GLI2: variants seen among roughly 807,000 people sequenced by gnomAD.
GLI2 encodes GLI family zinc finger 2.
GLI2 carries 22 observed loss-of-function variants against 78.9 expected under a neutral mutation model. The ratio of observed to expected loss-of-function variants is 0.28; its 90% CI spans 0.20 to 0.40. GLI2 has a LOEUF of 0.40. Among genes scored for constraint, GLI2 ranks in the 10% least tolerant of loss-of-function variants. The pLI, the probability that GLI2 is intolerant of heterozygous loss-of-function variation, is 1.00. For synonymous variants in GLI2, 974 were observed against 963.7 expected, an observed-to-expected ratio of 1.01 and a Z score of -0.20; for missense variants, 2,097 against 2,213.2, an observed-to-expected ratio of 0.95 and a Z score of 1.05.
chr2:120,818,799 T>C (rs1685627595), intron 2 of GLI2, among the ~76,000 whole-genome samples: 1 of 152,232 alleles, frequency 6.6e-6, no homozygotes, highest in Non-Finnish European at 1.5e-5. Context: ...ACGAAAGGCC[T>C]ACTGGTTAGC....
chr2:120,932,302 T>A (rs1482927459), intron 3 of GLI2, among the ~76,000 whole-genome samples: 3 of 152,064 alleles, frequency 2.0e-5, no homozygotes, highest in Non-Finnish European at 4.4e-5. Context: ...TGGTGACCAT[T>A]TCGTGGGTGT....
intron 1 of GLI2, among the ~76,000 whole-genome samples, chr2:120,779,118 T>TG (rs1683765090): frequency 6.6e-6 from 1 of 152,198 alleles, no homozygotes; most frequent in Non-Finnish European, 1.5e-5. Context: ...CGCTGTGCAC[T>TG]GTCATGAGCC....
rs977801911 is a variant in GLI2 at position 120,989,443 on chromosome 2, A to G, written c.3478A>G (p.Lys1160Glu). 8 of 1,612,964 alleles carry G rather than the reference A, an allele frequency of 5.0e-6. No individual in the cohort carries two copies. The highest frequency in any genetic ancestry group is 3.3e-5 in the Admixed American group (2 of 60,008). Residue 1160 changes from lysine (K) to glutamate (E), a missense_variant, in exon 14 of 14, where the codon AAG becomes GAG. Physicochemically the swap from Lys to Glu is moderately conservative, Grantham distance 56. Around this residue, in one of 5 missense-constraint regions of GLI2, gnomAD observed 1,290 missense variants for 1,261.7 expected, o/e 1.02. Coordinates refer to ENST00000361492, the MANE Select transcript of GLI2 (RefSeq NM_001374353.1). ...PQGNLAVVQQ[K>E]PAFGQYPGYS... ...GGGCAACCTGGCGGTGGTGCAGCAG[A>G]AGCCTGCCTTTGGCCAGTACCCGGG...
intron 2 of GLI2, among the ~76,000 whole-genome samples, chr2:120,921,708 T>G (rs1413219557): frequency 6.6e-6 from 1 of 152,110 alleles, no homozygotes; most frequent in Non-Finnish European, 1.5e-5. Context: ...TGTACAGCAT[T>G]TCCAAAAGTT....
At chr2:120,986,940 T>C (rs936554908) in intron 13 of GLI2, among the ~76,000 whole-genome samples, 1 of 152,188 alleles carries the variant, frequency 6.6e-6, no homozygotes, top group Non-Finnish European at 1.5e-5. Context: ...GTGGGCACCA[T>C]GGCAAAGGCC....
intron 5 of GLI2, among the ~76,000 whole-genome samples, chr2:120,962,550 G>A (rs4848665): frequency 0.79 from 119,577 of 152,084 alleles, 51,936 homozygotes; most frequent in East Asian, 1. Context: ...AGGTGGTGTT[G>A]GCGTCCGCCC....
chr2:120,760,994 G>T (rs1683196522), intron 1 of GLI2, among the ~76,000 whole-genome samples: 1 of 152,210 alleles, frequency 6.6e-6, no homozygotes, highest in Non-Finnish European at 1.5e-5. Flanking sequence ...GGGTGGGAAG[G>T]AGAGCAGAGT....
At chr2:120,907,745 G>A (rs1432308015) in intron 2 of GLI2, among the ~76,000 whole-genome samples, 1 of 152,130 alleles carries the variant, frequency 6.6e-6, no homozygotes, top group Non-Finnish European at 1.5e-5. Flanking sequence ...TGTAAATGGG[G>A]GTGGTGATCA....
At chr2:120,795,021 T>C (rs1684319025) in intron 1 of GLI2, among the ~76,000 whole-genome samples, 1 of 152,182 alleles carries the variant, frequency 6.6e-6, no homozygotes. Flanking sequence ...ATTGTTCTTG[T>C]GTACTCATTT....
At chr2:120,738,372 T>C (rs1456555898) in intron 1 of GLI2, among the ~76,000 whole-genome samples, 1 of 152,214 alleles carries the variant, frequency 6.6e-6, no homozygotes, top group Non-Finnish European at 1.5e-5. Context: ...GGATTCGAAT[T>C]CCACTCAAGC....
At chr2:120,760,085 G>A (rs1258402493) in intron 1 of GLI2, among the ~76,000 whole-genome samples, 2 of 152,154 alleles carry the variant, frequency 1.3e-5, no homozygotes, top group South Asian at 2.1e-4. Flanking sequence ...AGCATCCCCC[G>A]GCCTCCCTCC....
chr2:120,857,343 G>GCCCCCCCCCCCCCCCCCCCCCCCCACCGA (rs1553457437), intron 2 of GLI2, among the ~76,000 whole-genome samples: 2 of 99,686 alleles, frequency 2.0e-5, no homozygotes, highest in African/African-American at 8.7e-5. Flanking sequence ...CTACCCATCT[G>GCCCCCCCCCCCCCCCCCCCCCCCCACCGA]CCCACCCACC....
intron 12 of GLI2, among the ~76,000 whole-genome samples, chr2:120,985,802 C>CA (rs1043726037): frequency 2.6e-5 from 4 of 152,202 alleles, no homozygotes; most frequent in Admixed American, 1.3e-4. Context: ...TGGCCCTTTA[C>CA]ACAAGGGCTG....
chr2:120,977,822 GC>G (rs750913137), intron 9 of GLI2, among the ~76,000 whole-genome samples: 3 of 152,228 alleles, frequency 2.0e-5, no homozygotes, highest in Non-Finnish European at 4.4e-5. Context: ...AGGGCCCTGT[GC>G]AGGCCACTGA....
At position 120,970,460 on chromosome 2, in the gene GLI2, G is replaced by T. The variant is rs773277858; in HGVS notation, c.913G>T (p.Gly305Cys). The T allele has an allele frequency of 6.2e-7, 1 of 1,613,942 alleles. No individual in the cohort carries two copies. Among genetic ancestry groups the T allele is most frequent in the Non-Finnish European group, 8.5e-7 (1 of 1,179,916 alleles). ...AYQQILSQQR[G>C]LGSAFGHTPP... ...CCAGCAGATTCTGAGCCAGCAGAGG[G>T]GTCTGGGGTCAGCCTTTGGACACAC... The change falls in exon 7 of 14, where the codon GGT becomes TGT. Residue 305 changes from glycine (G) to cysteine (C), a missense_variant. Transcript: ENST00000361492.
At chr2:120,862,751 G>A (rs985531019) in intron 2 of GLI2, among the ~76,000 whole-genome samples, 11 of 152,254 alleles carry the variant, frequency 7.2e-5, no homozygotes, top group African/African-American at 2.7e-4. Context: ...GGGTGAGCGA[G>A]TGTGGGGTTA....
intron 2 of GLI2, among the ~76,000 whole-genome samples, chr2:120,831,104 T>C (rs1686341358): frequency 6.6e-6 from 1 of 151,996 alleles, no homozygotes; most frequent in African/African-American, 2.4e-5. Flanking sequence ...TCTCTCTCTT[T>C]CTGTCATCCT....
chr2:120,841,516 C>T lies in GLI2; in HGVS notation c.148+44048C>T, dbSNP rs142483686. Among the ~76,000 whole-genome samples the T allele has an allele frequency of 8.5e-5, 13 of 152,370 alleles. No individual in the cohort carries two copies. In the East Asian group the frequency reaches 2.1e-3, roughly 25 times the overall value. ...TTTTGTAATGGCAGTTCCCCCCAGACACTGAATCCACAAGCTTAAGGTAAG... is the reference window on the plus strand; with the variant it reads ...TTTTGTAATGGCAGTTCCCCCCAGATACTGAATCCACAAGCTTAAGGTAAG... On this transcript the variant is annotated intron_variant, in intron 2 of 13. Coordinates refer to ENST00000361492, the MANE Select transcript of GLI2 (RefSeq NM_001374353.1).
chr2:120,777,426 G>T (rs1010733116), intron 1 of GLI2, among the ~76,000 whole-genome samples: 2 of 152,114 alleles, frequency 1.3e-5, no homozygotes, highest in African/African-American at 4.8e-5. Context: ...TGTTTCCAGT[G>T]CCGTTTGGGC....
Sources: allele counts gnomAD v4.1 joint callset (sites outside exome capture counted in the v4.1 genomes callset), GRCh38; gene constraint gnomAD v4.1.1; regional missense constraint gnomAD v4.1.1; transcripts MANE v1.5; gene names NCBI Gene and HGNC (gene_info 2026-07-23, HGNC 2026-07-21).